The following CEP41 variants were observed in gnomAD, a reference collection of about 807,000 sequenced individuals.
The protein encoded by CEP41 is centrosomal protein of 41 kDa.
In CEP41, 32 loss-of-function variants were observed where a neutral mutation model predicts 44.3. That is an observed-to-expected ratio of 0.72 (90% CI 0.54 to 0.97). The LOEUF (loss-of-function observed/expected upper bound fraction) is 0.97. Among genes scored for constraint, CEP41 ranks in the 50% least tolerant of loss-of-function variants. CEP41 has a pLI of 0.00. For missense variants in CEP41, 432 were observed against 455.2 expected (o/e 0.95, Z 0.46); for synonymous variants, 151 against 168.5 (o/e 0.90, Z 0.80).
chr7:130,416,518 C>G (rs1233202097), intron 3 of CEP41, among the ~76,000 whole-genome samples: 1 of 152,154 alleles, frequency 6.6e-6, no homozygotes, highest in African/African-American at 2.4e-5. Flanking sequence ...TTTATACACA[C>G]AAGAATGTTC....
At chr7:130,426,980 G>T (rs1377899261) in intron 2 of CEP41, 1 of 105,584 alleles carries the variant, frequency 9.5e-6, no homozygotes, top group Non-Finnish European at 2.0e-5. Context: ...TCTGAATGAC[G>T]GGTACCAAGA....
At chr7:130,440,867 C>T in intron 1 of CEP41, 67 bp downstream of exon 1, 1 of 1,584,256 alleles carries the variant, frequency 6.3e-7, no homozygotes. Context: ...CTGCTCTTCC[C>T]TGCCCACATG....
At position 130,395,532 on chromosome 7, in the gene CEP41, CTAAT is replaced by C. The variant is rs1239275936; in HGVS notation, c.*3355_*3358del. 1.8e-5 allele frequency: 8 copies of C among 453,950 alleles called. No individual in the cohort carries two copies. Among genetic ancestry groups the C allele is most frequent in the Non-Finnish European group, 3.5e-5 (8 of 226,786 alleles). 28.1% of individuals were successfully genotyped at this position (453,950 alleles called of 1,614,324 possible). A position where few individuals can be genotyped will look rare whatever the true frequency, so the allele number is the denominator to read the frequency against. On this transcript the variant is annotated 3_prime_UTR_variant, in exon 11 of 11. Coordinates refer to ENST00000223208, the MANE Select transcript of CEP41 (RefSeq NM_018718.3). Reference sequence around the variant, plus strand: ...GGATTTAAATCCAGGTGGACAGAAACTAATTATTCGCTCTAAAAAAGTCAGATAA... The same window carrying C: ...GGATTTAAATCCAGGTGGACAGAAACTATTCGCTCTAAAAAAGTCAGATAA...
chr7:130,423,358 A>C (rs1215048468), intron 2 of CEP41, among the ~76,000 whole-genome samples: 1 of 152,250 alleles, frequency 6.6e-6, no homozygotes, highest in Non-Finnish European at 1.5e-5. Flanking sequence ...ACCAAAAAGC[A>C]CATAAAAAGG....
rs782411345 is a variant in CEP41 at position 130,398,699 on chromosome 7, C to T, written c.*192G>A. ...GTCACACCTCTGGTTTTTATGGTCA[C>T]CTGTCAAAATCCTTCCTGAGGTGGC... On this transcript the variant is annotated 3_prime_UTR_variant, in exon 11 of 11. Transcript: ENST00000223208. The T allele has an allele frequency of 1.3e-6, 1 of 770,668 alleles. No individual in the cohort carries two copies. Among genetic ancestry groups the T allele is most frequent in the Non-Finnish European group, 2.3e-6 (1 of 427,558 alleles). 47.7% of individuals were successfully genotyped at this position (770,668 alleles called of 1,614,324 possible). A position where few individuals can be genotyped will look rare whatever the true frequency, so the allele number is the denominator to read the frequency against.
chr7:130,421,464 A>G (rs1797506607), intron 2 of CEP41: 1 of 984,720 alleles, frequency 1.0e-6, no homozygotes, highest in Admixed American at 6.1e-5. Flanking sequence ...TCTGGTTTAT[A>G]AAAGCCTTTC....
intron 1 of CEP41, among the ~76,000 whole-genome samples, chr7:130,435,467 G>C (rs755505321): frequency 6.6e-6 from 1 of 152,132 alleles, no homozygotes; most frequent in South Asian, 2.1e-4. Flanking sequence ...AGGATATATG[G>C]ATGACAGATA....
intron 5 of CEP41, among the ~76,000 whole-genome samples, chr7:130,409,337 C>T (rs527425495): frequency 3.9e-5 from 6 of 152,288 alleles, no homozygotes; most frequent in South Asian, 2.1e-4. Flanking sequence ...ATTGCATGTG[C>T]CCATATGTTC....
Position 130,397,322 on chromosome 7 carries a change from G to C in CEP41, c.*1569C>G, listed in dbSNP as rs1584862538. On this transcript the variant is annotated 3_prime_UTR_variant, in exon 11 of 11. Transcript: ENST00000223208. ...GCTTGACATCTGAACAATGTCCCTG[G>C]TTTGTTTGATTTCTAAAGCATCGGA... is the stretch of plus-strand genomic sequence containing the variant. 1.1e-5 allele frequency: 5 copies of C among 454,432 alleles called. No individual in the cohort carries two copies. The highest frequency in any genetic ancestry group is 4.0e-5 in the African/African-American group (2 of 50,074). The allele number at this position is 454,432 out of a possible 1,614,324, so 28.1% of individuals were successfully genotyped here.
chr7:130,403,943 A>G (rs1464951418), intron 6 of CEP41, among the ~76,000 whole-genome samples: 3 of 152,226 alleles, frequency 2.0e-5, no homozygotes, highest in African/African-American at 7.2e-5. Context: ...CTATTTTATC[A>G]GTCAAAGGGA....
At position 130,412,185 on chromosome 7, in the gene CEP41, G is replaced by T; in HGVS notation, c.201C>A (p.Ala67=). Residue 67 remains alanine (A), a synonymous_variant, in exon 4 of 11, where the codon GCC becomes GCA. Transcript: ENST00000223208. ...GAAAAATCAAGAAACTTACCAGCTG[G>T]GCAAAAGTTGTAACTTTTAGTCTCT... ...LFKRLKVTTF[A]QLIIQVASLS... is the part of the protein sequence containing the mutation. 1 of 1,544,090 alleles carries T rather than the reference G, an allele frequency of 6.5e-7. No individual in the cohort carries two copies. The highest frequency in any genetic ancestry group is 9.0e-7 in the Non-Finnish European group (1 of 1,116,314).
rs1164452418 is a variant in CEP41 at position 130,398,760 on chromosome 7, G to A, written c.*131C>T. On this transcript the variant is annotated 3_prime_UTR_variant, in exon 11 of 11. Coordinates refer to ENST00000223208, the MANE Select transcript of CEP41 (RefSeq NM_018718.3). ...GAGAGGAACTGGAGACAGGGACAGG[G>A]AAGAGGCCTATCCCATACATATGTC... 5.5e-6 allele frequency: 6 copies of A among 1,088,250 alleles called. No individual in the cohort carries two copies. In the Admixed American group the frequency reaches 1.0e-4, roughly 18 times the overall value. 67.4% of individuals were successfully genotyped at this position (1,088,250 alleles called of 1,614,324 possible). A position where few individuals can be genotyped will look rare whatever the true frequency, so the allele number is the denominator to read the frequency against.
At chr7:130,414,371 T>G (rs1016657750) in intron 3 of CEP41, among the ~76,000 whole-genome samples, 12 of 152,210 alleles carry the variant, frequency 7.9e-5, no homozygotes, top group African/African-American at 2.4e-4. Flanking sequence ...TTCCTTTTGA[T>G]TGCCACCAAC....
intron 8 of CEP41, 42 bp downstream of exon 8, chr7:130,401,839 A>G (rs1554417001): frequency 7.6e-7 from 1 of 1,317,786 alleles, no homozygotes; most frequent in Admixed American, 1.7e-5. Flanking sequence ...GATTCTTACA[A>G]TCCTCATACC....
intron 1 of CEP41, 93 bp downstream of exon 1, chr7:130,440,841 C>G: frequency 3.3e-6 from 4 of 1,205,860 alleles, no homozygotes; most frequent in Non-Finnish European, 4.5e-6. Context: ...GCCTTCCGGG[C>G]GGCGGAAGTC....
chr7:130,424,783 G>C (rs1350110225), intron 2 of CEP41, among the ~76,000 whole-genome samples: 2 of 151,934 alleles, frequency 1.3e-5, no homozygotes, highest in Non-Finnish European at 1.5e-5. Context: ...CATTGGGATC[G>C]AGGCCAGGCA....
intron 1 of CEP41, among the ~76,000 whole-genome samples, chr7:130,438,220 A>T (rs1377138952): frequency 6.6e-6 from 1 of 152,214 alleles, no homozygotes; most frequent in Non-Finnish European, 1.5e-5. Context: ...TTTATCCTCG[A>T]TTCCATCCCT....
chr7:130,428,796 C>T (rs1251017307), intron 1 of CEP41, among the ~76,000 whole-genome samples: 5 of 151,776 alleles, frequency 3.3e-5, no homozygotes, highest in Admixed American at 6.6e-5. Flanking sequence ...CCTATACTCT[C>T]GCTACTTGGG....
intron 5 of CEP41, among the ~76,000 whole-genome samples, chr7:130,408,915 T>C (rs1339545973): frequency 6.6e-6 from 1 of 152,132 alleles, no homozygotes; most frequent in South Asian, 2.1e-4. Context: ...GCCTATTTAG[T>C]GACATGGGAA....
Sources: allele counts gnomAD v4.1 joint callset (sites outside exome capture counted in the v4.1 genomes callset), GRCh38; gene constraint gnomAD v4.1.1; transcripts MANE v1.5; gene names NCBI Gene and HGNC (gene_info 2026-07-23, HGNC 2026-07-21).